Variants in FHOD1 observed in about 807,000 individuals in gnomAD.
FHOD1 encodes the protein formin homology 2 domain containing 1.
A neutral mutation model predicts 111.6 loss-of-function variants in FHOD1; 89 were observed. That is an observed-to-expected ratio of 0.80 (90% confidence interval 0.67 to 0.95). The LOEUF is 0.95. Ranked by LOEUF, FHOD1 falls within the 40% of genes least tolerant of loss-of-function variation. FHOD1 has a pLI of 0.00. For synonymous variants in FHOD1, 618 were observed against 639.0 expected, an observed-to-expected ratio of 0.97 and a Z score of 0.50; for missense variants, 1,446 against 1,554.2, an observed-to-expected ratio of 0.93 and a Z score of 1.17.
In FHOD1 at chr16:67,239,748, G is replaced by A. The variant is rs182006727; in HGVS notation, c.202-294C>T. Among the ~76,000 whole-genome samples, 8 of 152,168 alleles carry A rather than the reference G, an allele frequency of 5.3e-5. No homozygotes were observed. The South Asian group carries it at 1.2e-3, about 24-fold the overall frequency. On this transcript the variant is annotated intron_variant, in intron 1 of 21. Coordinates refer to ENST00000258201, the MANE Select transcript of FHOD1 (RefSeq NM_013241.3). ...CCACCCTGTGTGTATGCTCCCTTTC[G>A]AGACCTTCCACACAGCATTCTAATA... is the stretch of plus-strand genomic sequence containing the variant.
intron 11 of FHOD1, chr16:67,236,302 G>A: frequency 1.7e-6 from 2 of 1,162,642 alleles, no homozygotes; most frequent in South Asian, 1.6e-5. Flanking sequence ...ATAGTGGGCG[G>A]GAGACATGAC....
chr16:67,242,502 C>T (rs147363998), intron 1 of FHOD1, among the ~76,000 whole-genome samples: 106 of 152,334 alleles, frequency 7.0e-4, no homozygotes, highest in African/African-American at 2.5e-3. Context: ...CCTCACACCC[C>T]GGCCCCTTCC....
At chr16:67,235,486 C>T (rs1421963000) in intron 11 of FHOD1, among the ~76,000 whole-genome samples, 1 of 149,092 alleles carries the variant, frequency 6.7e-6, no homozygotes, top group Admixed American at 6.7e-5. Flanking sequence ...GCTGAGATCA[C>T]ACCACTGCAC....
At position 67,237,551 on chromosome 16, in the gene FHOD1, T is replaced by A; in HGVS notation, c.773A>T (p.Asn258Ile). 2 of 1,614,042 alleles carry A rather than the reference T, an allele frequency of 1.2e-6. No homozygotes were observed. Among genetic ancestry groups the A allele is most frequent in the Middle Eastern group, 3.3e-4 (2 of 6,062 alleles). The change falls in exon 8 of 22, where the codon AAT becomes ATT. Residue 258 changes from asparagine to isoleucine, a missense_variant. Around this residue, in one of 3 missense-constraint regions of FHOD1, gnomAD observed 234 missense variants for 327.4 expected, o/e 0.71. Transcript: ENST00000258201. This position sits in a 1 kb window ranked among gnomAD's most constrained non-coding sequence, Gnocchi z 5.6. ...CTTCTCCTCCAGGATGGACACCAGA[T>A]TGGCCCAGGGAGGAGCACCTGCCAC... ...ASTTGAPPWA[N>I]LVSILEEKNG...
At chr16:67,233,009 G>T (rs1392693924) in intron 13 of FHOD1, among the ~76,000 whole-genome samples, 1 of 151,672 alleles carries the variant, frequency 6.6e-6, no homozygotes, top group African/African-American at 2.4e-5. Context: ...TGCCTGCCTT[G>T]GCCTCCCAAA....
At position 67,237,876 on chromosome 16, in the gene FHOD1, C is replaced by A; in HGVS notation, c.643-108G>T. ...GGGCTGGACCCAGAGAGAATCTAGGCAGAATGACCCTGGCCCCAGGCCCAG... is the reference window on the plus strand; with the variant it reads ...GGGCTGGACCCAGAGAGAATCTAGGAAGAATGACCCTGGCCCCAGGCCCAG... On this transcript the variant is annotated intron_variant, in intron 6 of 21. Transcript: ENST00000258201. The surrounding 1 kb of genome is among the most constrained non-coding windows in gnomAD (Gnocchi z 5.6). The A allele has an allele frequency of 7.5e-7, 1 of 1,330,716 alleles. No individual in the cohort carries two copies. The highest frequency in any genetic ancestry group is 1.1e-6 in the Non-Finnish European group (1 of 933,942). The allele number at this position is 1,330,716 out of a possible 1,614,324, so 82.4% of individuals were successfully genotyped here.
At position 67,236,634 on chromosome 16, in the gene FHOD1, G is replaced by T. The variant is rs142758509; in HGVS notation, c.1242C>A (p.Leu414=). ...TAGGAAAAAGGTTCACTGAAGCTTG[G>T]AGACCGGAGGGAGGGCCCACAGGGC... is the stretch of plus-strand genomic sequence containing the variant. ...ASSPVGPPSG[L]QASVNLFPTI... is the part of the protein sequence containing the mutation. Residue 414 remains leucine (L), a synonymous_variant, in exon 11 of 22, where the codon CTC becomes CTA. Coordinates refer to ENST00000258201, the MANE Select transcript of FHOD1 (RefSeq NM_013241.3). 6.2e-7 allele frequency: 1 copy of T among 1,613,228 alleles called. No individual in the cohort carries two copies. Among genetic ancestry groups the T allele is most frequent in the African/African-American group, 1.3e-5 (1 of 74,910 alleles).
Position 67,238,254 on chromosome 16 carries a change from C to G in FHOD1, c.495G>C (p.Leu165=). 6.2e-7 allele frequency: 1 copy of G among 1,614,178 alleles called. No individual in the cohort carries two copies. Among genetic ancestry groups the G allele is most frequent in the Non-Finnish European group, 8.5e-7 (1 of 1,180,032 alleles). The part of the protein sequence containing the change: ...EFVHSEGLSC[L]IRVGAAADHN... The stretch of plus-strand genomic sequence containing the variant: ...GGTCGGCAGCAGCACCCACACGGAT[C>G]AGGCAGCTCAGCCCCTCTGAATGCA... The change falls in exon 5 of 22, where the codon CTG becomes CTC. Residue 165 remains leucine (L), a synonymous_variant. Transcript: ENST00000258201. The surrounding 1 kb of genome is among the most constrained non-coding windows in gnomAD (Gnocchi z 4.2).
At position 67,231,744 on chromosome 16, in the gene FHOD1, G is replaced by A. The variant is rs780924011; in HGVS notation, c.2278C>T (p.Pro760Ser). ...AGGAAGTTCTCGGCTGGGCCCAGGG[G>A]TATGTCAGGGTTGGCCAGCTGGGCT... ...EEAQLANPDI[P>S]LGPAENFLMT... The change falls in exon 15 of 22, where the codon CCC becomes TCC. Residue 760 changes from proline to serine, a missense_variant. Around this residue, in one of 3 missense-constraint regions of FHOD1, gnomAD observed 1,085 missense variants for 1,108.8 expected, o/e 0.98. Transcript: ENST00000258201. This position sits in a 1 kb window ranked among gnomAD's most constrained non-coding sequence, Gnocchi z 4.3. 1.2e-6 allele frequency: 2 copies of A among 1,614,106 alleles called. No individual in the cohort carries two copies. Among genetic ancestry groups the A allele is most frequent in the Non-Finnish European group, 1.7e-6 (2 of 1,180,000 alleles).
chr16:67,244,407 A>G (rs1161675669), intron 1 of FHOD1, among the ~76,000 whole-genome samples: 1 of 152,032 alleles, frequency 6.6e-6, no homozygotes, highest in Non-Finnish European at 1.5e-5. Context: ...GAGGGGAGGA[A>G]GGCACTCCTG....
In FHOD1 at chr16:67,231,056, T is replaced by C; in HGVS notation, c.2667+132A>G. On this transcript the variant is annotated intron_variant, in intron 17 of 21. Coordinates refer to ENST00000258201, the MANE Select transcript of FHOD1 (RefSeq NM_013241.3). The surrounding 1 kb of genome is among the most constrained non-coding windows in gnomAD (Gnocchi z 4.3). ...GAAAGAGCATTTCTGGCAGAGGGCA[T>C]AGCTCACACCCAGGTGGCTGGAGCA... 8.3e-7 allele frequency: 1 copy of C among 1,200,970 alleles called. No individual in the cohort carries two copies. The highest frequency in any genetic ancestry group is 1.2e-6 in the Non-Finnish European group (1 of 856,200). The allele number at this position is 1,200,970 out of a possible 1,614,324, so 74.4% of individuals were successfully genotyped here.
chr16:67,240,780 A>G (rs1282802458), intron 1 of FHOD1, among the ~76,000 whole-genome samples: 1 of 152,240 alleles, frequency 6.6e-6, no homozygotes, highest in Non-Finnish European at 1.5e-5. Flanking sequence ...TCCATTGCAC[A>G]GTGCAGATAT....
chr16:67,237,393 G>A lies in FHOD1; in HGVS notation c.850-11C>T, dbSNP rs371234969. On this transcript the variant is annotated splice_polypyrimidine_tract_variant and intron_variant, in intron 8 of 21. Coordinates refer to ENST00000258201, the MANE Select transcript of FHOD1 (RefSeq NM_013241.3). This position sits in a 1 kb window ranked among gnomAD's most constrained non-coding sequence, Gnocchi z 5.6. ...GAGCGCCGCCAGCGTCTGGAGGGCG[G>A]GGATAAGAAGGCAAGGCTGAGGTTG... is the stretch of plus-strand genomic sequence containing the variant. 1 of 1,613,662 alleles carries A rather than the reference G, an allele frequency of 6.2e-7. No homozygotes were observed. The highest frequency in any genetic ancestry group is 8.5e-7 in the Non-Finnish European group (1 of 1,179,678).
In FHOD1 at chr16:67,236,952, ATGC is replaced by A; in HGVS notation, c.1142+11_1142+13del. On this transcript the variant is annotated intron_variant, in intron 10 of 21. Coordinates refer to ENST00000258201, the MANE Select transcript of FHOD1 (RefSeq NM_013241.3). ...TAGATCCACCCTTTCCCATCTACAG[ATGC>A]TCGTACTTACCCAGGTTCCGGGGCA... 6.8e-7 allele frequency: 1 copy of A among 1,462,756 alleles called. No individual in the cohort carries two copies. The highest frequency in any genetic ancestry group is 9.2e-7 in the Non-Finnish European group (1 of 1,087,298). The allele number at this position is 1,462,756 out of a possible 1,614,324, so 90.6% of individuals were successfully genotyped here. A position where few individuals can be genotyped will look rare whatever the true frequency, so the allele number is the denominator to read the frequency against.
rs1162115126 is a variant in FHOD1 at position 67,237,258 on chromosome 16, G to A, written c.974C>T (p.Thr325Met). The A allele has an allele frequency of 1.2e-6, 2 of 1,613,816 alleles. No homozygotes were observed. Among genetic ancestry groups the A allele is most frequent in the Non-Finnish European group, 1.7e-6 (2 of 1,179,960 alleles). ...GCCCACCTCGTAGAGCACAAGCTGC[G>A]TGCGCAGGTCGACGTCAGTGCCCGC... Reference protein sequence around the residue: ...GTAGTDVDLRTQLVLYENALK... With the variant: ...GTAGTDVDLRMQLVLYENALK... The change falls in exon 9 of 22, where the codon ACG (threonine) becomes ATG (methionine). Residue 325 changes from threonine (T) to methionine (M), a missense_variant. Thr to Met is a moderately conservative substitution (Grantham distance 81). Transcript: ENST00000258201. This position sits in a 1 kb window ranked among gnomAD's most constrained non-coding sequence, Gnocchi z 5.6.
At chr16:67,236,354 A>T in intron 11 of FHOD1, 1 of 1,426,172 alleles carries the variant, frequency 7.0e-7, no homozygotes, top group Non-Finnish European at 9.1e-7. Flanking sequence ...GACAAAGGAA[A>T]CCACAGGAGG....
rs1385624610 is a variant in FHOD1 at position 67,237,261 on chromosome 16, C to G, written c.971G>C (p.Arg324Pro). ...LGTAGTDVDLRTQLVLYENAL... is the reference protein window; with the variant it reads ...LGTAGTDVDLPTQLVLYENAL... ...CACCTCGTAGAGCACAAGCTGCGTG[C>G]GCAGGTCGACGTCAGTGCCCGCAGT... Residue 324 changes from arginine to proline, a missense_variant, in exon 9 of 22, where the codon CGC becomes CCC. By Grantham distance (103) the Arg-to-Pro change is moderately radical. Around this residue, in one of 3 missense-constraint regions of FHOD1, gnomAD observed 234 missense variants for 327.4 expected, o/e 0.71. Transcript: ENST00000258201. The surrounding 1 kb of genome is among the most constrained non-coding windows in gnomAD (Gnocchi z 5.6). The G allele has an allele frequency of 1.2e-6, 2 of 1,613,660 alleles. No individual in the cohort carries two copies. The highest frequency in any genetic ancestry group is 2.2e-5 in the South Asian group (2 of 91,064).
intron 1 of FHOD1, among the ~76,000 whole-genome samples, chr16:67,243,787 G>A (rs1473861308): frequency 6.6e-6 from 1 of 152,166 alleles, no homozygotes; most frequent in East Asian, 1.9e-4. Context: ...GTTCCAGTAA[G>A]GGAACACCAA....
Position 67,230,466 on chromosome 16 carries a change from C to T in FHOD1, c.2899G>A (p.Ala967Thr), listed in dbSNP as rs773281297. ...TGCATGATGCGCACTTCACGGGCCG[C>T]CTGCGGGGTGTAGCCCAGGTAGAGC... ...FLLYLGYTPQ[A>T]AREVRIMQFC... The change falls in exon 19 of 22, where the codon GCG becomes ACG. Residue 967 changes from alanine to threonine, a missense_variant. Ala to Thr is a moderately conservative substitution (Grantham distance 58). Coordinates refer to ENST00000258201, the MANE Select transcript of FHOD1 (RefSeq NM_013241.3). 5.6e-6 allele frequency: 9 copies of T among 1,614,246 alleles called. No individual in the cohort carries two copies. The highest frequency in any genetic ancestry group is 7.6e-6 in the Non-Finnish European group (9 of 1,180,044).
Sources: gnomAD v4.1 joint callset for allele counts (sites outside exome capture counted in the v4.1 genomes callset) on GRCh38, gnomAD v4.1.1 for gene constraint, gnomAD v4.1.1 regional missense constraint, Gnocchi (gnomAD v3.1) non-coding constraint, MANE v1.5 for transcripts, NCBI Gene and HGNC (gene_info 2026-07-23, HGNC 2026-07-21) for gene names.